The following ATP6V0E2 variants were observed in gnomAD, a reference collection of about 807,000 sequenced individuals.
The protein encoded by ATP6V0E2 is ATPase H+ transporting V0 subunit e2, also known as V-type proton ATPase subunit e 2.
A neutral mutation model predicts 11.5 loss-of-function variants in ATP6V0E2; 4 were observed. That is an observed-to-expected ratio of 0.35 (90% confidence interval 0.17 to 0.80). ATP6V0E2 has a LOEUF of 0.80. Among genes scored for constraint, ATP6V0E2 ranks in the 30% least tolerant of loss-of-function variants. ATP6V0E2 has a pLI of 0.53. For synonymous variants in ATP6V0E2, 52 were observed against 51.0 expected, an observed-to-expected ratio of 1.02 and a Z score of -0.09; for missense variants, 93 against 113.5, an observed-to-expected ratio of 0.82 and a Z score of 0.82.
At chr7:149,875,017 G>A (rs74436699) in intron 1 of ATP6V0E2, 1,556 of 153,634 alleles carry the variant, frequency 0.01, 12 homozygotes, top group South Asian at 0.02. Context: ...CGTGTCTTGC[G>A]TCTCCTGCTA....
At chr7:149,873,744 G>A (rs758334381), upstream of ATP6V0E2, 7 of 819,696 alleles carry the variant, frequency 8.5e-6, no homozygotes, top group African/African-American at 9.2e-5. Context: ...AGAATGCGGC[G>A]TGACGTTGGC....
intron 3 of ATP6V0E2, 149 bp from the exon 4 acceptor site, chr7:149,879,186 C>T: frequency 7.1e-7 from 1 of 1,401,666 alleles, no homozygotes; most frequent in Non-Finnish European, 9.2e-7. Context: ...CAAGGCAAGA[C>T]CCTAACCTGG....
chr7:149,879,646 C>A lies in ATP6V0E2; in HGVS notation c.*331C>A, dbSNP rs10234446. The A allele has an allele frequency of 6.9e-7, 1 of 1,455,714 alleles. No individual in the cohort carries two copies. Among genetic ancestry groups the A allele is most frequent in the Non-Finnish European group, 9.1e-7 (1 of 1,100,980 alleles). 90.2% of individuals were successfully genotyped at this position (1,455,714 alleles called of 1,614,324 possible). A position where few individuals can be genotyped will look rare whatever the true frequency, so the allele number is the denominator to read the frequency against. ...TGGGTGGGGTCTTTCCCTTTACAGA[C>A]GGGGCAGATGCCAGGACTCAGCCCA... On this transcript the variant is annotated 3_prime_UTR_variant, in exon 4 of 4. Transcript: ENST00000425642.
At chr7:149,874,340 CG>C (rs1270897714) in intron 1 of ATP6V0E2, among the ~76,000 whole-genome samples, 171 bp downstream of exon 1, 1 of 152,064 alleles carries the variant, frequency 6.6e-6, no homozygotes, top group Non-Finnish European at 1.5e-5. Context: ...CTCTGACAGC[CG>C]GGAACAGGCA....
rs1363260081 is a variant in ATP6V0E2, at chr7:149,874,019, G to T, written c.-47G>T. On this transcript the variant is annotated 5_prime_UTR_variant, in exon 1 of 4. Coordinates refer to ENST00000425642, the MANE Select transcript of ATP6V0E2 (RefSeq NM_145230.4). ...GGCTGGGGACCCGCGCACCTGCAGC[G>T]CCCGCTGCTCGGCCCTGCATCCTGC... The T allele has an allele frequency of 6.5e-7, 1 of 1,547,570 alleles. No individual in the cohort carries two copies. The highest frequency in any genetic ancestry group is 2.4e-5 in the East Asian group (1 of 40,830).
At chr7:149,877,883 A>G (rs984418332) in intron 2 of ATP6V0E2, among the ~76,000 whole-genome samples, 2 of 152,222 alleles carry the variant, frequency 1.3e-5, no homozygotes, top group African/African-American at 4.8e-5. Flanking sequence ...ATAAACTCGG[A>G]GAGAATGCTG....
intron 1 of ATP6V0E2, among the ~76,000 whole-genome samples, chr7:149,875,373 C>A (rs948283414): frequency 6.6e-6 from 1 of 152,182 alleles, no homozygotes; most frequent in Non-Finnish European, 1.5e-5. Context: ...CTTAAGGCAA[C>A]TTGGATGTGG....
At chr7:149,879,255 A>AG (rs1803316164) in intron 3 of ATP6V0E2, 80 bp from the exon 4 acceptor site, 2 of 1,415,118 alleles carry the variant, frequency 1.4e-6, no homozygotes, top group African/African-American at 2.9e-5. Context: ...GGCAGGGGTG[A>AG]GGGGGCTTTC....
intron 2 of ATP6V0E2, 99 bp downstream of exon 2, chr7:149,875,744 AT>A: frequency 8.1e-7 from 1 of 1,228,232 alleles, no homozygotes; most frequent in African/African-American, 1.5e-5. Context: ...CTGGTAGTAA[AT>A]GCCTCTTGAA....
At chr7:149,873,366 C>T (rs1297220410), upstream of ATP6V0E2, 2 of 152,526 alleles carry the variant, frequency 1.3e-5, no homozygotes, top group Admixed American at 1.3e-4. Flanking sequence ...CCTCATTCCG[C>T]TTCCCGCCAT....
At position 149,880,015 on chromosome 7, in the gene ATP6V0E2, T is replaced by A; in HGVS notation, c.*700T>A. On this transcript the variant is annotated 3_prime_UTR_variant, in exon 4 of 4. Coordinates refer to ENST00000425642, the MANE Select transcript of ATP6V0E2 (RefSeq NM_145230.4). Reference sequence around the variant, plus strand: ...GACCTCCCTCAGTGGATGTCTTCCCTCCCCCGACCCCAGCCTGTCAGTCCG... The same window carrying A: ...GACCTCCCTCAGTGGATGTCTTCCCACCCCCGACCCCAGCCTGTCAGTCCG... 1 of 202,012 alleles carries A rather than the reference T, an allele frequency of 5.0e-6. No individual in the cohort carries two copies. The highest frequency in any genetic ancestry group is 9.9e-6 in the Non-Finnish European group (1 of 101,086). The allele number at this position is 202,012 out of a possible 1,614,324, so 12.5% of individuals were successfully genotyped here.
chr7:149,873,416 GCC>G (rs1465758633), upstream of ATP6V0E2: 1 of 152,960 alleles, frequency 6.5e-6, no homozygotes, highest in African/African-American at 2.4e-5. Context: ...ACGTCTCAGC[GCC>G]GCTGGGGCCT....
At chr7:149,878,610 C>T (rs528226531) in intron 2 of ATP6V0E2, 68 bp from the exon 3 acceptor site, 48 of 1,436,852 alleles carry the variant, frequency 3.3e-5, no homozygotes, top group African/African-American at 2.9e-4. Flanking sequence ...ATAATATGAC[C>T]GAGGCCTCCC....
rs1270046590 is a variant in ATP6V0E2 at position 149,874,268 on chromosome 7, G to C, written c.104+99G>C. 2.8e-6 allele frequency: 4 copies of C among 1,414,000 alleles called. No homozygotes were observed. In the Admixed American group the frequency reaches 1.1e-4, roughly 39 times the overall value. The allele number at this position is 1,414,000 out of a possible 1,614,324, so 87.6% of individuals were successfully genotyped here. ...GCGGCGGCTTCCTGCTCTGCAGCGA[G>C]CGTCCGCAGGAGGGACGCCAGGACC... On this transcript the variant is annotated intron_variant, in intron 1 of 3. Transcript: ENST00000425642.
chr7:149,879,095 C>T, intron 3 of ATP6V0E2: 2 of 1,395,150 alleles, frequency 1.4e-6, no homozygotes, highest in Non-Finnish European at 1.9e-6. Flanking sequence ...CCCTTCCTGC[C>T]TGGCCTGTGT....
intron 1 of ATP6V0E2, chr7:149,874,604 G>GGT (rs1803029995): frequency 5.9e-6 from 1 of 168,258 alleles, no homozygotes; most frequent in African/African-American, 2.4e-5. Context: ...ACACCTACCA[G>GGT]TGCGTGACAC....
intron 3 of ATP6V0E2, 48 bp downstream of exon 3, chr7:149,878,838 G>T (rs766656467): frequency 3.2e-6 from 3 of 944,544 alleles, no homozygotes; most frequent in Non-Finnish European, 4.6e-6. Flanking sequence ...GAAAGACAAG[G>T]CTTTCCCACA....
upstream of ATP6V0E2, chr7:149,873,966 C>T (rs1156961543): frequency 3.9e-6 from 6 of 1,546,986 alleles, no homozygotes; most frequent in South Asian, 3.6e-5. Flanking sequence ...GTGCTCGACT[C>T]CTGTTGCGCA....
At chr7:149,875,305 G>A (rs1054070464) in intron 1 of ATP6V0E2, among the ~76,000 whole-genome samples, 9 of 152,318 alleles carry the variant, frequency 5.9e-5, no homozygotes, top group African/African-American at 1.9e-4. Context: ...TCCACAACAC[G>A]TCTGCATTAA....
Sources: gnomAD v4.1 joint callset for allele counts (sites outside exome capture counted in the v4.1 genomes callset) on GRCh38, gnomAD v4.1.1 for gene constraint, MANE v1.5 for transcripts, NCBI Gene and HGNC (gene_info 2026-07-23, HGNC 2026-07-21) for gene names.